WNK1: variants seen among roughly 807,000 people sequenced by gnomAD.
WNK1 encodes serine/threonine-protein kinase WNK1.
A neutral mutation model predicts 222.8 loss-of-function variants in WNK1; 38 were observed. The ratio of observed to expected loss-of-function variants is 0.17; its 90% CI spans 0.13 to 0.22. The LOEUF is 0.22. Among genes scored for constraint, WNK1 ranks in the 10% least tolerant of loss-of-function variants. The pLI, the probability that WNK1 is intolerant of heterozygous loss-of-function variation, is 1.00. For synonymous variants in WNK1, 1,090 were observed against 1,092.9 expected, an observed-to-expected ratio of 1.00 and a Z score of 0.05; for missense variants, 2,348 against 2,918.4, an observed-to-expected ratio of 0.80 and a Z score of 4.50.
chr12:819,196 GT>G (rs1452189197), intron 2 of WNK1, among the ~76,000 whole-genome samples: 1 of 151,962 alleles, frequency 6.6e-6, no homozygotes, highest in Non-Finnish European at 1.5e-5. Flanking sequence ...TGGATTGCTT[GT>G]TTTTTTGTTG....
intron 1 of WNK1, among the ~76,000 whole-genome samples, chr12:758,348 C>G (rs1206285834): frequency 7.3e-6 from 1 of 136,468 alleles, no homozygotes; most frequent in Non-Finnish European, 1.6e-5. Context: ...ATTAAGAAAC[C>G]ATCATTTATT....
intron 26 of WNK1, chr12:901,113 C>G (rs1298893669): frequency 3.5e-6 from 1 of 289,652 alleles, no homozygotes; most frequent in Non-Finnish European, 6.7e-6. Context: ...CCATAATCTA[C>G]TTTCCAAATA....
At chr12:808,502 T>G (rs1390253401) in intron 1 of WNK1, among the ~76,000 whole-genome samples, 1 of 151,554 alleles carries the variant, frequency 6.6e-6, no homozygotes, top group East Asian at 1.9e-4. Context: ...CTAAATGTGT[T>G]TTTTTTTTCT....
At chr12:782,422 C>T (rs1591672083) in intron 1 of WNK1, among the ~76,000 whole-genome samples, 1 of 152,126 alleles carries the variant, frequency 6.6e-6, no homozygotes, top group East Asian at 1.9e-4. Flanking sequence ...AATAATGTTT[C>T]CAAAATCAGA....
At chr12:878,806 C>G (rs1952860737) in intron 10 of WNK1, among the ~76,000 whole-genome samples, 1 of 124,124 alleles carries the variant, frequency 8.1e-6, no homozygotes, top group South Asian at 2.7e-4. Context: ...TTAAGTAGTC[C>G]TCCTAATCAC....
chr12:897,167 G>A lies in WNK1; in HGVS notation c.6246-312G>A, dbSNP rs558222032. On this transcript the variant is annotated intron_variant, in intron 24 of 27. Transcript: ENST00000315939. Reference sequence around the variant, plus strand: ...ACTGGGATGTATGATTATTTGGCACGTTTTGTTTGGCAGATTGGGTCAGAG... The same window carrying A: ...ACTGGGATGTATGATTATTTGGCACATTTTGTTTGGCAGATTGGGTCAGAG... Among the ~76,000 whole-genome samples, 39 of 152,220 alleles carry A rather than the reference G, an allele frequency of 2.6e-4. No homozygotes were observed. The South Asian group carries it at 8.1e-3, about 32-fold the overall frequency.
intron 25 of WNK1, among the ~76,000 whole-genome samples, chr12:898,240 T>C (rs558084837): frequency 2.6e-5 from 4 of 152,196 alleles, no homozygotes; most frequent in African/African-American, 7.2e-5. Flanking sequence ...ATCCCAGAAC[T>C]TTGGGAGGCT....
In WNK1 at chr12:908,972, C is replaced by T. The variant is rs1955921556; in HGVS notation, c.*180C>T. On this transcript the variant is annotated 3_prime_UTR_variant, in exon 28 of 28. Transcript: ENST00000315939. ...CTCAGAATGGAGAGTCTCCCCCGCT[C>T]CAGTTATTGGAATGGGAGAGGAAGG... 1 of 710,302 alleles carries T rather than the reference C, an allele frequency of 1.4e-6. No individual in the cohort carries two copies. Among genetic ancestry groups the T allele is most frequent in the Non-Finnish European group, 2.3e-6 (1 of 430,550 alleles). 44.0% of individuals were successfully genotyped at this position (710,302 alleles called of 1,614,324 possible).
At chr12:795,280 A>C (rs1945197897) in intron 1 of WNK1, among the ~76,000 whole-genome samples, 1 of 145,312 alleles carries the variant, frequency 6.9e-6, no homozygotes, top group African/African-American at 2.5e-5. Flanking sequence ...TTATAGGTCT[A>C]TTCAGATTTT....
At chr12:904,235 A>G (rs1955512393) in intron 26 of WNK1, among the ~76,000 whole-genome samples, 1 of 152,160 alleles carries the variant, frequency 6.6e-6, no homozygotes, top group African/African-American at 2.4e-5. Context: ...CACATCTGTC[A>G]GCCACGTAAC....
chr12:838,746 A>G (rs943066913), intron 4 of WNK1, among the ~76,000 whole-genome samples: 5 of 152,250 alleles, frequency 3.3e-5, no homozygotes, highest in South Asian at 4.2e-4. Flanking sequence ...GACAGCAGTC[A>G]TTGGGTTAAG....
Position 871,356 on chromosome 12 carries a change from C to T in WNK1, c.2223+8C>T. The T allele has an allele frequency of 6.2e-7, 1 of 1,612,444 alleles. No homozygotes were observed. The highest frequency in any genetic ancestry group is 8.5e-7 in the Non-Finnish European group (1 of 1,178,492). On this transcript the variant is annotated splice_region_variant and intron_variant, in intron 9 of 27. Coordinates refer to ENST00000315939, the MANE Select transcript of WNK1 (RefSeq NM_018979.4). ...ATACAACATCCTCAGCAGGTGAGAA[C>T]AATGCATTGCAACATTTTATGAATT...
At chr12:894,728 C>T (rs1385272559) in intron 23 of WNK1, 93 bp downstream of exon 23, 1 of 1,161,268 alleles carries the variant, frequency 8.6e-7, no homozygotes, top group African/African-American at 1.5e-5. Flanking sequence ...GACACAATTG[C>T]CAGTCTAGTG....
chr12:788,886 C>CG (rs200013881), intron 1 of WNK1, among the ~76,000 whole-genome samples: 8 of 148,338 alleles, frequency 5.4e-5, no homozygotes, highest in Admixed American at 4.0e-4. Context: ...GACTCTGTCT[C>CG]GGGGGGGAAA....
chr12:883,095 G>C, intron 15 of WNK1, 36 bp downstream of exon 15: 5 of 1,437,196 alleles, frequency 3.5e-6, no homozygotes, highest in Non-Finnish European at 4.9e-6. Flanking sequence ...TTTTTCCTTA[G>C]TACTTGATCT....
intron 4 of WNK1, among the ~76,000 whole-genome samples, chr12:832,875 G>C (rs1948903487): frequency 1.3e-5 from 2 of 152,170 alleles, no homozygotes; most frequent in African/African-American, 4.8e-5. Context: ...ATTCTGATAA[G>C]TACCCTAATC....
At chr12:778,717 A>G (rs1245708823) in intron 1 of WNK1, among the ~76,000 whole-genome samples, 7 of 151,442 alleles carry the variant, frequency 4.6e-5, no homozygotes, top group Non-Finnish European at 1.0e-4. Context: ...AGAGTTTAAG[A>G]TTATGAATGA....
chr12:884,331 A>G lies in WNK1; in HGVS notation c.3844+88A>G. On this transcript the variant is annotated intron_variant, in intron 18 of 27. Transcript: ENST00000315939. The surrounding 1 kb of genome is among the most constrained non-coding windows in gnomAD (Gnocchi z 5.6). ...CTTAATCATAAAGCAGTAATTTATG[A>G]TGACACAGATAATAAAAAAGAATAG... 6.4e-7 allele frequency: 1 copy of G among 1,568,908 alleles called. No homozygotes were observed. Among genetic ancestry groups the G allele is most frequent in the Non-Finnish European group, 8.8e-7 (1 of 1,142,666 alleles).
Position 880,831 on chromosome 12 carries a change from G to T in WNK1, c.2943G>T (p.Pro981=), listed in dbSNP as rs72650706. The change falls in exon 12 of 28, where the codon CCG becomes CCT. Residue 981 remains proline, a synonymous_variant. Coordinates refer to ENST00000315939, the MANE Select transcript of WNK1 (RefSeq NM_018979.4). ...IHSTVLSPPM[P]TEVLATPGYF... ...CTACAGTCCTATCCCCTCCCATGCC[G>T]ACAGAAGTACTGGCTACACCTGGGT... The T allele has an allele frequency of 1.2e-6, 2 of 1,613,960 alleles. No homozygotes were observed. Among genetic ancestry groups the T allele is most frequent in the Non-Finnish European group, 1.7e-6 (2 of 1,180,008 alleles).
Sources: allele counts gnomAD v4.1 joint callset (sites outside exome capture counted in the v4.1 genomes callset), GRCh38; gene constraint gnomAD v4.1.1; non-coding constraint Gnocchi (gnomAD v3.1); transcripts MANE v1.5; gene names NCBI Gene and HGNC (gene_info 2026-07-23, HGNC 2026-07-21).